CADM2: variants seen among roughly 807,000 people sequenced by gnomAD.
CADM2 encodes immunoglobulin superfamily member 4D.
In CADM2, 12 loss-of-function variants were observed where a neutral mutation model predicts 49.8. That is an observed-to-expected ratio of 0.24 (90% CI 0.15 to 0.39). The LOEUF (loss-of-function observed/expected upper bound fraction) is 0.39, where lower values mean the gene tolerates loss of function less well. Ranked by LOEUF, CADM2 falls within the 10% of genes least tolerant of loss-of-function variation. The probability of loss-of-function intolerance (pLI) is 1.00; values close to 1 mark genes in which losing one functional copy is unlikely to be tolerated. For missense variants in CADM2, 378 were observed against 492.3 expected (o/e 0.77, Z 2.20); for synonymous variants, 214 against 175.4 (o/e 1.22, Z -1.74).
At chr3:85,821,803 G>T (rs1167996274) in intron 3 of CADM2, among the ~76,000 whole-genome samples, 1 of 151,994 alleles carries the variant, frequency 6.6e-6, no homozygotes, top group Admixed American at 6.6e-5. Flanking sequence ...ACAATAAAAT[G>T]AATTACTATA....
At chr3:85,320,103 G>T (rs1320121794) in intron 1 of CADM2, among the ~76,000 whole-genome samples, 1 of 152,128 alleles carries the variant, frequency 6.6e-6, no homozygotes, top group African/African-American at 2.4e-5. Flanking sequence ...GCCCCCAGGG[G>T]AACATTTGGC....
chr3:85,968,584 T>G (rs1725740622), intron 8 of CADM2, among the ~76,000 whole-genome samples: 1 of 151,574 alleles, frequency 6.6e-6, no homozygotes, highest in African/African-American at 2.4e-5. Flanking sequence ...ATTTCATCAT[T>G]AAAAAAATAT....
At chr3:85,797,448 C>A (rs780752859) in intron 2 of CADM2, among the ~76,000 whole-genome samples, 1 of 152,052 alleles carries the variant, frequency 6.6e-6, no homozygotes, top group African/African-American at 2.4e-5. Flanking sequence ...ATGTTCCTCT[C>A]CTTGTATCCA....
chr3:85,442,315 C>A (rs1371412538), intron 1 of CADM2, among the ~76,000 whole-genome samples: 4 of 151,850 alleles, frequency 2.6e-5, no homozygotes, highest in African/African-American at 7.3e-5. Flanking sequence ...CTCCTTCACA[C>A]AATGAACTTT....
chr3:84,959,475 A>G lies in CADM2; in HGVS notation c.-133A>G. On this transcript the variant is annotated 5_prime_UTR_variant, in exon 1 of 10. Coordinates refer to ENST00000383699, the MANE Select transcript of CADM2 (RefSeq NM_001167675.2). ...CCGATCCGAGTCCGCGGGTTCGAAC[A>G]CCGCAGCGGTGGGGACGGTGGGTCC... is the stretch of plus-strand genomic sequence containing the variant. 1.2e-6 allele frequency: 1 copy of G among 816,022 alleles called. No individual in the cohort carries two copies. The highest frequency in any genetic ancestry group is 1.9e-6 in the Non-Finnish European group (1 of 526,662). 50.5% of individuals were successfully genotyped at this position (816,022 alleles called of 1,614,324 possible).
intron 2 of CADM2, among the ~76,000 whole-genome samples, chr3:85,796,171 G>A (rs1033523000): frequency 5.3e-5 from 8 of 152,108 alleles, no homozygotes; most frequent in East Asian, 3.8e-4. Context: ...TAGCAATTGC[G>A]TGCTTTTTAT....
intron 8 of CADM2, among the ~76,000 whole-genome samples, chr3:86,015,538 T>C (rs1732113861): frequency 6.6e-6 from 1 of 152,200 alleles, no homozygotes; most frequent in African/African-American, 2.4e-5. Context: ...CTTTGACTAA[T>C]AGGAGTTTTA....
At chr3:85,274,641 A>G (rs1009924817) in intron 1 of CADM2, among the ~76,000 whole-genome samples, 1 of 151,496 alleles carries the variant, frequency 6.6e-6, no homozygotes, top group African/African-American at 2.4e-5. Context: ...ATTTTAGAAT[A>G]GGACATCTTT....
intron 1 of CADM2, among the ~76,000 whole-genome samples, chr3:85,657,777 C>CAGATAT (rs1559574754): frequency 9.0e-6 from 1 of 111,226 alleles, no homozygotes; most frequent in African/African-American, 3.0e-5. Context: ...TATATATATA[C>CAGATAT]ATATACATGT....
intron 5 of CADM2, among the ~76,000 whole-genome samples, chr3:85,906,723 G>T (rs1434106995): frequency 1.3e-5 from 2 of 152,180 alleles, no homozygotes; most frequent in East Asian, 1.9e-4. Context: ...AATGAATGTG[G>T]TTACCAGACT....
chr3:85,953,074 G>C (rs1193704209), intron 7 of CADM2, among the ~76,000 whole-genome samples: 1 of 149,812 alleles, frequency 6.7e-6, no homozygotes, highest in African/African-American at 2.4e-5. Flanking sequence ...TGTTCATGTT[G>C]CTCCTGTTTA....
At chr3:86,054,312 C>A (rs1737668355) in intron 8 of CADM2, among the ~76,000 whole-genome samples, 1 of 151,850 alleles carries the variant, frequency 6.6e-6, no homozygotes, top group Non-Finnish European at 1.5e-5. Flanking sequence ...TTATAATTAT[C>A]ATCAGAATAA....
chr3:85,092,486 G>A (rs1454723843), intron 1 of CADM2, among the ~76,000 whole-genome samples: 8 of 152,118 alleles, frequency 5.3e-5, no homozygotes, highest in South Asian at 2.1e-4. Context: ...TCAGCATTTA[G>A]CACTGCTCCT....
At chr3:85,715,304 T>A in intron 1 of CADM2, among the ~76,000 whole-genome samples, 1 of 152,200 alleles carries the variant, frequency 6.6e-6, no homozygotes, top group East Asian at 1.9e-4. Flanking sequence ...CTGCACTATT[T>A]TACCAATACC....
chr3:85,410,251 A>C (rs1467193468), intron 1 of CADM2, among the ~76,000 whole-genome samples: 1 of 152,152 alleles, frequency 6.6e-6, no homozygotes, highest in Non-Finnish European at 1.5e-5. Flanking sequence ...AGACTTGTGA[A>C]TTTTAATTCT....
intron 8 of CADM2, among the ~76,000 whole-genome samples, chr3:85,978,031 T>C (rs552950542): frequency 1.3e-5 from 2 of 151,734 alleles, no homozygotes; most frequent in Admixed American, 1.3e-4. Context: ...TACAAAATAA[T>C]CTGTCAAACA....
At chr3:85,835,599 C>A (rs1487168390) in intron 3 of CADM2, among the ~76,000 whole-genome samples, 2 of 150,582 alleles carry the variant, frequency 1.3e-5, no homozygotes, top group Admixed American at 1.3e-4. Context: ...TCCTAAAGAG[C>A]CCCATGTACT....
At chr3:85,405,494 C>A (rs1014322769) in intron 1 of CADM2, among the ~76,000 whole-genome samples, 5 of 152,114 alleles carry the variant, frequency 3.3e-5, no homozygotes, top group African/African-American at 7.2e-5. Context: ...AAACCCTAAG[C>A]TCTCTGTGAT....
intron 7 of CADM2, among the ~76,000 whole-genome samples, chr3:85,936,767 T>C (rs1481483616): frequency 6.6e-6 from 1 of 151,820 alleles, no homozygotes; most frequent in Non-Finnish European, 1.5e-5. Flanking sequence ...AAAAGAATTG[T>C]AAGATAGATG....
Sources: gnomAD v4.1 joint callset for allele counts (sites outside exome capture counted in the v4.1 genomes callset) on GRCh38, gnomAD v4.1.1 for gene constraint, MANE v1.5 for transcripts, NCBI Gene and HGNC (gene_info 2026-07-23, HGNC 2026-07-21) for gene names.